Variants in CSRNP3 observed in about 807,000 individuals in gnomAD.
The protein encoded by CSRNP3 is cysteine and serine rich nuclear protein 3.
Under a neutral mutation model 48.0 loss-of-function variants are expected in CSRNP3, and 12 were observed. The ratio of observed to expected loss-of-function variants is 0.25; its 90% CI spans 0.16 to 0.41. The LOEUF (loss-of-function observed/expected upper bound fraction) is 0.41. Ranked by LOEUF, CSRNP3 falls within the 10% of genes least tolerant of loss-of-function variation. CSRNP3 has a pLI of 1.00. For missense variants in CSRNP3, 580 were observed against 724.4 expected (o/e 0.80, Z 2.29); for synonymous variants, 263 against 269.7 (o/e 0.98, Z 0.24).
At chr2:165,660,932 C>A (rs1278455544) in intron 5 of CSRNP3, among the ~76,000 whole-genome samples, 1 of 152,182 alleles carries the variant, frequency 6.6e-6, no homozygotes, top group Non-Finnish European at 1.5e-5. Flanking sequence ...CTTAACCTCA[C>A]TGTGCTTAAA....
rs1007967977 is a variant in CSRNP3, at chr2:165,599,157, T to C, written c.148+3944T>C. ...GGAGAATCACTTGAGCCCAGGAGGT[T>C]GAGGCTGCAGTGAGCCATGATTGCA... is the stretch of plus-strand genomic sequence containing the variant. On this transcript the variant is annotated intron_variant, in intron 4 of 6. Coordinates refer to ENST00000651982, the MANE Select transcript of CSRNP3 (RefSeq NM_001172173.2). Among the ~76,000 whole-genome samples the C allele has an allele frequency of 6.6e-5, 10 of 151,592 alleles. No homozygotes were observed. In the East Asian group the frequency reaches 1.9e-3, roughly 29 times the overall value.
At position 165,654,267 on chromosome 2, in the gene CSRNP3, C is replaced by T. The variant is rs546559987; in HGVS notation, c.149-3494C>T. Among the ~76,000 whole-genome samples, 93 of 152,190 alleles carry T rather than the reference C, an allele frequency of 6.1e-4. 1 individual carries two copies. Among genetic ancestry groups the T allele is most frequent in the African/African-American group, 2.0e-3 (83 of 41,548 alleles). On this transcript the variant is annotated intron_variant, in intron 4 of 6. Coordinates refer to ENST00000651982, the MANE Select transcript of CSRNP3 (RefSeq NM_001172173.2). ...CCTTCTCTGGTGATCTTTTACATTTCGACAAATTCTTCCTTGTTTTGAGAT... is the reference window on the plus strand; with the variant it reads ...CCTTCTCTGGTGATCTTTTACATTTTGACAAATTCTTCCTTGTTTTGAGAT...
At chr2:165,663,278 T>A (rs1311477180) in intron 5 of CSRNP3, among the ~76,000 whole-genome samples, 2 of 152,224 alleles carry the variant, frequency 1.3e-5, no homozygotes, top group Non-Finnish European at 2.9e-5. Context: ...ATTAGATGTG[T>A]CAGAACCTGC....
At chr2:165,555,698 T>C (rs1410481752) in intron 3 of CSRNP3, among the ~76,000 whole-genome samples, 3 of 152,156 alleles carry the variant, frequency 2.0e-5, no homozygotes, top group African/African-American at 7.2e-5. Flanking sequence ...ATGGAAACAA[T>C]GACAAAAGGC....
Position 165,681,760 on chromosome 2 carries a change from T to TATATATATATATACACAC in CSRNP3, c.*2008_*2009insTATATATATATACACACA, listed in dbSNP as rs1291170889. 1 of 44,728 alleles carries TATATATATATATACACAC rather than the reference T, an allele frequency of 2.2e-5. No individual in the cohort carries two copies. The highest frequency in any genetic ancestry group is 6.1e-5 in the African/African-American group (1 of 16,412). 2.8% of individuals were successfully genotyped at this position (44,728 alleles called of 1,614,324 possible). On this transcript the variant is annotated 3_prime_UTR_variant, in exon 7 of 7. Transcript: ENST00000651982. The stretch of plus-strand genomic sequence containing the variant: ...ATATATATATATATATATATATATA[T>TATATATATATATACACAC]ACACACACACACACACATACACATA...
At chr2:165,662,716 C>T (rs900033088) in intron 5 of CSRNP3, among the ~76,000 whole-genome samples, 1 of 152,160 alleles carries the variant, frequency 6.6e-6, no homozygotes, top group African/African-American at 2.4e-5. Context: ...TGGATTCTAC[C>T]ACCTTGTTCT....
intron 3 of CSRNP3, among the ~76,000 whole-genome samples, chr2:165,561,385 A>G (rs192567973): frequency 3.8e-4 from 58 of 152,236 alleles, no homozygotes; most frequent in African/African-American, 1.2e-3. Context: ...CTAAAAGACC[A>G]TATGAAATTG....
In CSRNP3 at chr2:165,657,934, G is replaced by A. The variant is rs1687033250; in HGVS notation, c.322G>A (p.Glu108Lys). The A allele has an allele frequency of 1.2e-6, 2 of 1,614,132 alleles. No individual in the cohort carries two copies. Among genetic ancestry groups the A allele is most frequent in the Non-Finnish European group, 8.5e-7 (1 of 1,180,006 alleles). The change falls in exon 5 of 7, where the codon GAG becomes AAG. Residue 108 changes from glutamate (E) to lysine (K), a missense_variant. This residue lies in a region of CSRNP3 where 83 missense variants were observed against 139.6 expected (regional missense o/e 0.59). Transcript: ENST00000651982. ...CAGCGTGCGCCAGTACACTCTTGGC[G>A]AGTTTGCAAGGGAGCAGGAGAGGCT... ...HNSVRQYTLG[E>K]FAREQERLHR...
chr2:165,567,921 C>CAAAT (rs1356919716), intron 3 of CSRNP3, among the ~76,000 whole-genome samples: 1 of 151,968 alleles, frequency 6.6e-6, no homozygotes, highest in Non-Finnish European at 1.5e-5. Context: ...CCAACTAAGG[C>CAAAT]AAATACAAAT....
At chr2:165,549,330 T>A (rs1685069655) in intron 3 of CSRNP3, among the ~76,000 whole-genome samples, 1 of 152,120 alleles carries the variant, frequency 6.6e-6, no homozygotes, top group African/African-American at 2.4e-5. Flanking sequence ...AACTGAAATC[T>A]AGACAGTTTG....
intron 3 of CSRNP3, among the ~76,000 whole-genome samples, chr2:165,585,210 G>A (rs1175679392): frequency 7.4e-6 from 1 of 134,336 alleles, no homozygotes; most frequent in Non-Finnish European, 1.6e-5. Context: ...ATAGCATAAT[G>A]TGTTTTTTTT....
chr2:165,627,869 C>T (rs1417573333), intron 4 of CSRNP3, among the ~76,000 whole-genome samples: 2 of 152,172 alleles, frequency 1.3e-5, no homozygotes, highest in South Asian at 2.1e-4. Flanking sequence ...ACATGTTCCT[C>T]CCACAGTACA....
At chr2:165,600,279 C>T (rs1021353717) in intron 4 of CSRNP3, among the ~76,000 whole-genome samples, 3 of 148,060 alleles carry the variant, frequency 2.0e-5, no homozygotes, top group African/African-American at 7.5e-5. Flanking sequence ...CTTTTTATGG[C>T]TTCATAGTAT....
At chr2:165,613,402 T>C (rs1686173068) in intron 4 of CSRNP3, among the ~76,000 whole-genome samples, 1 of 152,166 alleles carries the variant, frequency 6.6e-6, no homozygotes, top group Admixed American at 6.5e-5. Context: ...TTTATCCTGA[T>C]ATAGTCCCAT....
intron 4 of CSRNP3, among the ~76,000 whole-genome samples, chr2:165,642,660 T>C (rs1686743570): frequency 6.6e-6 from 1 of 152,048 alleles, no homozygotes; most frequent in South Asian, 2.1e-4. Flanking sequence ...CCTCCCAGGT[T>C]CAAGAGATTC....
At chr2:165,586,191 T>C (rs1558941733) in intron 3 of CSRNP3, among the ~76,000 whole-genome samples, 2 of 152,334 alleles carry the variant, frequency 1.3e-5, no homozygotes, top group Non-Finnish European at 1.5e-5. Flanking sequence ...CTATTAACCA[T>C]CACTCAGCAC....
intron 4 of CSRNP3, among the ~76,000 whole-genome samples, chr2:165,641,931 C>A (rs1026253721): frequency 7.9e-5 from 12 of 152,004 alleles, no homozygotes; most frequent in Non-Finnish European, 4.4e-5. Flanking sequence ...GGGAAACAAA[C>A]CTCTTTATAC....
intron 6 of CSRNP3, among the ~76,000 whole-genome samples, chr2:165,677,283 T>C (rs1687442296): frequency 6.6e-6 from 1 of 152,210 alleles, no homozygotes; most frequent in Admixed American, 6.5e-5. Context: ...GCTTTCTTGC[T>C]CCTACAGCAG....
chr2:165,642,034 T>C (rs555560939), intron 4 of CSRNP3, among the ~76,000 whole-genome samples: 2 of 151,366 alleles, frequency 1.3e-5, no homozygotes, highest in Admixed American at 6.6e-5. Context: ...GTAGCACAGA[T>C]AAAAGACAAA....
Sources: gnomAD v4.1 joint callset for allele counts (sites outside exome capture counted in the v4.1 genomes callset) on GRCh38, gnomAD v4.1.1 for gene constraint, gnomAD v4.1.1 regional missense constraint, MANE v1.5 for transcripts, NCBI Gene and HGNC (gene_info 2026-07-23, HGNC 2026-07-21) for gene names.